GKAP1: variants seen among roughly 807,000 people sequenced by gnomAD.
GKAP1 encodes the protein G kinase anchoring protein 1.
A neutral mutation model predicts 56.7 loss-of-function variants in GKAP1; 31 were observed. That is an observed-to-expected ratio of 0.55 (90% CI 0.41 to 0.74). The LOEUF (loss-of-function observed/expected upper bound fraction) is 0.74, where lower values mean the gene tolerates loss of function less well. Among genes scored for constraint, GKAP1 ranks in the 30% least tolerant of loss-of-function variants. The pLI is 0.00. For synonymous variants in GKAP1, 151 were observed against 138.6 expected (o/e 1.09, Z -0.63); for missense variants, 364 against 402.3 (o/e 0.90, Z 0.82).
intron 2 of GKAP1, among the ~76,000 whole-genome samples, chr9:83,815,959 G>A (rs1414875858): frequency 4.6e-5 from 7 of 150,914 alleles, no homozygotes; most frequent in Non-Finnish European, 7.4e-5. Flanking sequence ...AGGCAGAGGT[G>A]GGCAGATCAC....
chr9:83,760,733 T>C (rs1391252585), intron 8 of GKAP1, among the ~76,000 whole-genome samples: 1 of 151,976 alleles, frequency 6.6e-6, no homozygotes, highest in Non-Finnish European at 1.5e-5. Flanking sequence ...ACTATACAAA[T>C]ACATGGAAAT....
chr9:83,782,733 C>T (rs1943996531), intron 6 of GKAP1, among the ~76,000 whole-genome samples: 2 of 147,954 alleles, frequency 1.4e-5, no homozygotes, highest in Admixed American at 6.9e-5. Context: ...GTGGCACAAC[C>T]TTGGCTCACT....
chr9:83,812,326 C>T (rs574291925), intron 2 of GKAP1, among the ~76,000 whole-genome samples: 168 of 146,380 alleles, frequency 1.1e-3, no homozygotes, highest in African/African-American at 4.0e-3. Flanking sequence ...TGTATATATA[C>T]ACACGTATAT....
intron 5 of GKAP1, among the ~76,000 whole-genome samples, chr9:83,785,863 T>C (rs1397347355): frequency 6.6e-6 from 1 of 152,194 alleles, no homozygotes; most frequent in African/African-American, 2.4e-5. Context: ...CCAATCTCCT[T>C]GCCTAGTACA....
chr9:83,809,450 T>G (rs1279161516), intron 2 of GKAP1, among the ~76,000 whole-genome samples: 1 of 152,212 alleles, frequency 6.6e-6, no homozygotes, highest in Non-Finnish European at 1.5e-5. Context: ...GTAATCTACC[T>G]CATCAGACAA....
At chr9:83,757,731 T>C (rs1455222704) in intron 8 of GKAP1, among the ~76,000 whole-genome samples, 1 of 151,850 alleles carries the variant, frequency 6.6e-6, no homozygotes, top group Non-Finnish European at 1.5e-5. Context: ...ATAATGCCAG[T>C]AAGAGATAAT....
At chr9:83,806,228 G>C in intron 3 of GKAP1, 74 bp downstream of exon 3, 7 of 936,702 alleles carry the variant, frequency 7.5e-6, no homozygotes, top group Non-Finnish European at 1.1e-5. Flanking sequence ...GATACACAGG[G>C]GAACAAGATA....
At chr9:83,746,365 T>C (rs958982029) in intron 10 of GKAP1, among the ~76,000 whole-genome samples, 2 of 152,202 alleles carry the variant, frequency 1.3e-5, no homozygotes, top group Non-Finnish European at 2.9e-5. Context: ...ATGGTGTATA[T>C]TTGCATAAAA....
intron 5 of GKAP1, among the ~76,000 whole-genome samples, chr9:83,788,309 T>A (rs1001870189): frequency 8.5e-5 from 13 of 152,082 alleles, no homozygotes; most frequent in East Asian, 1.9e-4. Context: ...TAAATAAAAT[T>A]AAATTAAAAT....
At chr9:83,788,059 G>C (rs1363305702) in intron 5 of GKAP1, among the ~76,000 whole-genome samples, 2 of 152,140 alleles carry the variant, frequency 1.3e-5, no homozygotes, top group Non-Finnish European at 2.9e-5. Flanking sequence ...GGGTGGATCA[G>C]CAGAGCTCAG....
At chr9:83,744,057 T>G (rs543247372) in intron 10 of GKAP1, among the ~76,000 whole-genome samples, 1 of 152,294 alleles carries the variant, frequency 6.6e-6, no homozygotes, top group East Asian at 1.9e-4. Flanking sequence ...TTTCATAGTT[T>G]AATATGATAA....
chr9:83,775,208 T>C (rs1388344166), intron 7 of GKAP1, among the ~76,000 whole-genome samples: 2 of 152,028 alleles, frequency 1.3e-5, no homozygotes, highest in Admixed American at 6.6e-5. Context: ...GATCACACTA[T>C]GTTGCCTAGG....
intron 9 of GKAP1, chr9:83,748,675 C>T (rs1057180457): frequency 1.7e-5 from 3 of 176,088 alleles, no homozygotes; most frequent in Non-Finnish European, 3.6e-5. Flanking sequence ...AGATAAAACC[C>T]TTATACAATT....
At chr9:83,796,484 T>G (rs1287645736) in intron 4 of GKAP1, among the ~76,000 whole-genome samples, 1 of 152,192 alleles carries the variant, frequency 6.6e-6, no homozygotes, top group Non-Finnish European at 1.5e-5. Flanking sequence ...TTTTTTGTTT[T>G]TTTGAGATGG....
Position 83,762,269 on chromosome 9 carries a change from G to GA in GKAP1, c.738+6548dup, listed in dbSNP as rs200774572. On this transcript the variant is annotated intron_variant, in intron 8 of 12. Coordinates refer to ENST00000376371, the MANE Select transcript of GKAP1 (RefSeq NM_025211.4). The stretch of plus-strand genomic sequence containing the variant: ...TCTATAGGCCAACAGAGAACAACCT[G>GA]AAAAAAAAATCAACAAAAGTAATCC... 8.0e-5 allele frequency among the ~76,000 whole-genome samples: 12 copies of GA among 149,356 alleles called. No individual in the cohort carries two copies. The South Asian group carries it at 1.1e-3, about 13-fold the overall frequency.
At chr9:83,814,734 A>G (rs1459843881) in intron 2 of GKAP1, among the ~76,000 whole-genome samples, 1 of 152,280 alleles carries the variant, frequency 6.6e-6, no homozygotes, top group Non-Finnish European at 1.5e-5. Context: ...TGTGAAGTGC[A>G]CAATAGACAA....
intron 7 of GKAP1, among the ~76,000 whole-genome samples, chr9:83,776,036 A>G (rs1943856198): frequency 6.6e-6 from 1 of 152,272 alleles, no homozygotes; most frequent in African/African-American, 2.4e-5. Context: ...GAAGGAACAG[A>G]TAGCAGCTGA....
At chr9:83,753,476 C>G (rs1329290448) in intron 8 of GKAP1, 117 bp from the exon 9 acceptor site, 26 of 688,536 alleles carry the variant, frequency 3.8e-5, no homozygotes, top group Non-Finnish European at 1.0e-5. Context: ...CTGAGGCCAC[C>G]TTATGCTGTT....
In GKAP1 at chr9:83,780,558, G is replaced by A. The variant is rs115745898; in HGVS notation, c.563-154C>T. On this transcript the variant is annotated intron_variant, in intron 6 of 12. Transcript: ENST00000376371. ...TAAGAGTTTTCTAGGATTCTCATCT[G>A]ATTTACTTTTCTAGGTTTAAGATGT... is the stretch of plus-strand genomic sequence containing the variant. Among the ~76,000 whole-genome samples the A allele has an allele frequency of 6.9e-3, 1,040 of 151,064 alleles. 16 individuals carry two copies. The highest frequency in any genetic ancestry group is 0.024 in the African/African-American group (995 of 41,196).
Sources: allele counts gnomAD v4.1 joint callset (sites outside exome capture counted in the v4.1 genomes callset), GRCh38; gene constraint gnomAD v4.1.1; transcripts MANE v1.5; gene names NCBI Gene and HGNC (gene_info 2026-07-23, HGNC 2026-07-21).